Variants in AGBL3 observed in about 807,000 individuals in gnomAD.
AGBL3 encodes the protein AGBL carboxypeptidase 3, also known as cytosolic carboxypeptidase 3.
In AGBL3, 68 loss-of-function variants were observed where a neutral mutation model predicts 94.5. The ratio of observed to expected loss-of-function variants is 0.72; its 90% CI spans 0.59 to 0.88. AGBL3 has a LOEUF of 0.88. Ranked by LOEUF, AGBL3 falls within the 40% of genes least tolerant of loss-of-function variation. The probability of loss-of-function intolerance (pLI) is 0.00; values close to 1 mark genes in which losing one functional copy is unlikely to be tolerated. For missense variants in AGBL3, 934 were observed against 1,103.8 expected (o/e 0.85, Z 2.18); for synonymous variants, 354 against 370.7 (o/e 0.95, Z 0.52).
At chr7:134,987,082 A>C (rs1809554082) in intron 1 of AGBL3, among the ~76,000 whole-genome samples, 1 of 152,250 alleles carries the variant, frequency 6.6e-6, no homozygotes, top group South Asian at 2.1e-4. Context: ...CAGAAACTTC[A>C]GTTTCTTAGG....
At chr7:135,085,190 G>A (rs1416579957) in intron 15 of AGBL3, among the ~76,000 whole-genome samples, 1 of 151,858 alleles carries the variant, frequency 6.6e-6, no homozygotes, top group African/African-American at 2.4e-5. Context: ...TTTAAAGTAG[G>A]TTATTTTTGT....
intron 11 of AGBL3, among the ~76,000 whole-genome samples, chr7:135,050,560 GT>G (rs61049217): frequency 1 from 152,057 of 152,060 alleles, 76,027 homozygotes; most frequent in Non-Finnish European, 1. Flanking sequence ...GTGCTCTGAT[GT>G]TTGGCTGCAT....
At chr7:135,026,244 A>ATTATTTTATTTTATTTTTTTTTTTTATT (rs147501962) in intron 5 of AGBL3, among the ~76,000 whole-genome samples, 2 of 81,464 alleles carry the variant, frequency 2.5e-5, no homozygotes, top group African/African-American at 3.9e-5. Flanking sequence ...AATGAATACC[A>ATTATTTTATTTTATTTTTTTTTTTTATT]TTATTTTATT....
At chr7:135,114,166 T>C (rs1826005789) in intron 15 of AGBL3, among the ~76,000 whole-genome samples, 1 of 152,206 alleles carries the variant, frequency 6.6e-6, no homozygotes, top group Non-Finnish European at 1.5e-5. Flanking sequence ...TATGAATGTA[T>C]CTATGTCTCT....
chr7:134,987,313 A>G (rs982466212), intron 1 of AGBL3, among the ~76,000 whole-genome samples: 4 of 152,212 alleles, frequency 2.6e-5, no homozygotes, highest in Non-Finnish European at 5.9e-5. Context: ...TATTACCCAC[A>G]TGGGAAGATA....
intron 14 of AGBL3, among the ~76,000 whole-genome samples, chr7:135,081,093 T>C (rs1020542620): frequency 2.0e-5 from 3 of 152,024 alleles, no homozygotes; most frequent in Admixed American, 6.6e-5. Flanking sequence ...AACTTTATTT[T>C]TTCTGATAAT....
At chr7:135,012,605 G>A (rs968536545) in intron 4 of AGBL3, 1 of 152,022 alleles carries the variant, frequency 6.6e-6, no homozygotes, top group African/African-American at 2.4e-5. Context: ...TACATCAGTG[G>A]AACAGAGTAA....
At chr7:135,134,798 G>A (rs1327567921) in intron 16 of AGBL3, 43 bp from the exon 17 acceptor site, 3 of 1,514,766 alleles carry the variant, frequency 2.0e-6, no homozygotes, top group Non-Finnish European at 2.7e-6. Flanking sequence ...TACAAAGTAG[G>A]TCCATGATGG....
chr7:135,073,877 C>T (rs1304051798), intron 12 of AGBL3, among the ~76,000 whole-genome samples: 1 of 152,110 alleles, frequency 6.6e-6, no homozygotes, highest in Non-Finnish European at 1.5e-5. Flanking sequence ...AGGCTGTTTG[C>T]TTGTGGATTT....
At chr7:135,111,888 C>T (rs1825692696) in intron 15 of AGBL3, among the ~76,000 whole-genome samples, 1 of 152,114 alleles carries the variant, frequency 6.6e-6, no homozygotes, top group Non-Finnish European at 1.5e-5. Flanking sequence ...CAGTCTAAGC[C>T]TCTCCTGAAT....
intron 16 of AGBL3, among the ~76,000 whole-genome samples, chr7:135,122,171 T>C (rs932641165): frequency 3.9e-5 from 6 of 152,320 alleles, no homozygotes; most frequent in South Asian, 2.1e-4. Flanking sequence ...TCCATCTCTA[T>C]AGCTCCAGGC....
chr7:135,113,383 C>A (rs1333286380), intron 15 of AGBL3, among the ~76,000 whole-genome samples: 1 of 152,126 alleles, frequency 6.6e-6, no homozygotes, highest in African/African-American at 2.4e-5. Context: ...TGTTTTCCCA[C>A]TACTTTTTTC....
chr7:135,130,041 CT>C (rs1235914618), intron 16 of AGBL3, among the ~76,000 whole-genome samples: 2 of 152,166 alleles, frequency 1.3e-5, no homozygotes, highest in Admixed American at 1.3e-4. Context: ...CTTACAGACC[CT>C]TTGTCTCTGA....
At chr7:135,013,730 G>A (rs1584829397) in intron 4 of AGBL3, among the ~76,000 whole-genome samples, 1 of 152,022 alleles carries the variant, frequency 6.6e-6, no homozygotes, top group South Asian at 2.1e-4. Flanking sequence ...ATGACAAAGT[G>A]GAGAGACATA....
intron 16 of AGBL3, among the ~76,000 whole-genome samples, chr7:135,123,553 A>T (rs1413523525): frequency 6.6e-6 from 1 of 152,202 alleles, no homozygotes; most frequent in African/African-American, 2.4e-5. Context: ...CATCACTAAG[A>T]TATTCCATGA....
At chr7:135,002,844 A>G (rs1050092054) in intron 4 of AGBL3, among the ~76,000 whole-genome samples, 2 of 152,150 alleles carry the variant, frequency 1.3e-5, no homozygotes, top group Non-Finnish European at 2.9e-5. Flanking sequence ...TGAGATTGGA[A>G]CATTTTATCT....
At chr7:135,005,317 A>G (rs948504841) in intron 4 of AGBL3, among the ~76,000 whole-genome samples, 2 of 151,778 alleles carry the variant, frequency 1.3e-5, no homozygotes, top group Non-Finnish European at 3.0e-5. Context: ...AAATGCATAC[A>G]TTTGTGTAAT....
Position 135,018,750 on chromosome 7 carries a change from A to T in AGBL3, c.418+1591A>T, listed in dbSNP as rs111913085. 1.3e-3 allele frequency among the ~76,000 whole-genome samples: 199 copies of T among 152,352 alleles called. 4 individuals carry two copies. Among genetic ancestry groups the T allele is most frequent in the African/African-American group, 4.7e-3 (194 of 41,582 alleles). Reference sequence around the variant, plus strand: ...AAGATGTAATTTAAATGTCAATGAAAATTAAAATGTTCATATAAAGTTAAA... The same window carrying T: ...AAGATGTAATTTAAATGTCAATGAATATTAAAATGTTCATATAAAGTTAAA... On this transcript the variant is annotated intron_variant, in intron 5 of 16. Transcript: ENST00000436302.
At chr7:135,002,803 A>G (rs1436372963) in intron 4 of AGBL3, among the ~76,000 whole-genome samples, 1 of 152,130 alleles carries the variant, frequency 6.6e-6, no homozygotes, top group Non-Finnish European at 1.5e-5. Flanking sequence ...TTTACTTGAT[A>G]TGTGTTTTTT....
Sources: gnomAD v4.1 joint callset for allele counts (sites outside exome capture counted in the v4.1 genomes callset) on GRCh38, gnomAD v4.1.1 for gene constraint, MANE v1.5 for transcripts, NCBI Gene and HGNC (gene_info 2026-07-23, HGNC 2026-07-21) for gene names.